DLGAP1: variants seen among roughly 807,000 people sequenced by gnomAD.
The protein encoded by DLGAP1 is DLG associated protein 1, also known as disks large-associated protein 1.
Under a neutral mutation model 90.8 loss-of-function variants are expected in DLGAP1, and 11 were observed. That is an observed-to-expected ratio of 0.12 (90% CI 0.08 to 0.20). The LOEUF (loss-of-function observed/expected upper bound fraction) is 0.20, where lower values mean the gene tolerates loss of function less well. Among genes scored for constraint, DLGAP1 ranks in the 10% least tolerant of loss-of-function variants. The pLI is 1.00. For synonymous variants in DLGAP1, 558 were observed against 540.7 expected (o/e 1.03, Z -0.44); for missense variants, 1,050 against 1,333.8 (o/e 0.79, Z 3.31).
intron 1 of DLGAP1, among the ~76,000 whole-genome samples, chr18:4,390,143 T>C (rs1331569843): frequency 6.9e-6 from 1 of 145,780 alleles, no homozygotes; most frequent in Non-Finnish European, 1.5e-5. Flanking sequence ...CCCCATACCA[T>C]GTTGGCCCAT....
intron 3 of DLGAP1, among the ~76,000 whole-genome samples, chr18:3,895,608 G>C (rs2071602989): frequency 6.6e-6 from 1 of 152,322 alleles, no homozygotes; most frequent in African/African-American, 2.4e-5. Context: ...TATTTTCATG[G>C]GAAAAGTGTG....
chr18:4,255,508 A>AT (rs1555772770), intron 1 of DLGAP1, among the ~76,000 whole-genome samples: 65 of 128,362 alleles, frequency 5.1e-4, no homozygotes, highest in African/African-American at 2.9e-3. Flanking sequence ...GATGAAAAAA[A>AT]AAATATATAT....
intron 2 of DLGAP1, among the ~76,000 whole-genome samples, chr18:4,037,351 C>T (rs2074905551): frequency 2.0e-5 from 3 of 152,094 alleles, no homozygotes; most frequent in African/African-American, 4.8e-5. Context: ...AGGTGATAGC[C>T]ATTTTTTCAA....
chr18:4,198,038 A>G (rs1231160390), intron 1 of DLGAP1, among the ~76,000 whole-genome samples: 2 of 151,866 alleles, frequency 1.3e-5, no homozygotes, highest in African/African-American at 4.8e-5. Flanking sequence ...TGGCTAACCC[A>G]GTGAAACCCC....
At chr18:4,243,166 CATT>C (rs1182099226) in intron 1 of DLGAP1, among the ~76,000 whole-genome samples, 1 of 118,682 alleles carries the variant, frequency 8.4e-6, no homozygotes, top group African/African-American at 2.6e-5. Flanking sequence ...TCTTGGAACA[CATT>C]ATTTAAAATC....
At chr18:4,435,285 T>C (rs1298360627) in intron 1 of DLGAP1, among the ~76,000 whole-genome samples, 1 of 152,130 alleles carries the variant, frequency 6.6e-6, no homozygotes, top group Admixed American at 6.5e-5. Context: ...TTTGATGTTT[T>C]GATACAAGGA....
At chr18:4,042,784 A>G (rs1187954233) in intron 2 of DLGAP1, among the ~76,000 whole-genome samples, 1 of 152,216 alleles carries the variant, frequency 6.6e-6, no homozygotes, top group Non-Finnish European at 1.5e-5. Context: ...AAATAAAATT[A>G]TGGTTCATAG....
At chr18:4,379,566 C>T (rs2144297518) in intron 1 of DLGAP1, among the ~76,000 whole-genome samples, 1 of 152,208 alleles carries the variant, frequency 6.6e-6, no homozygotes, top group East Asian at 1.9e-4. Context: ...TTCCTGAATA[C>T]ATCACACAAA....
intron 2 of DLGAP1, among the ~76,000 whole-genome samples, chr18:4,075,573 G>A (rs1185667349): frequency 1.3e-5 from 2 of 152,152 alleles, no homozygotes; most frequent in African/African-American, 4.8e-5. Flanking sequence ...CAGGTGCACT[G>A]TGCCTAAAAT....
chr18:4,056,714 A>C (rs1320527163), intron 2 of DLGAP1, among the ~76,000 whole-genome samples: 2 of 152,126 alleles, frequency 1.3e-5, no homozygotes, highest in Non-Finnish European at 2.9e-5. Flanking sequence ...AGACCCTAGG[A>C]GCCACCTAGG....
chr18:3,867,446 C>T (rs550657927), intron 4 of DLGAP1, among the ~76,000 whole-genome samples: 37 of 152,090 alleles, frequency 2.4e-4, no homozygotes, highest in Non-Finnish European at 5.1e-4. Flanking sequence ...CTGAGCTCAG[C>T]TCTCTTGCTA....
chr18:4,374,192 T>A (rs1028781980), intron 1 of DLGAP1, among the ~76,000 whole-genome samples: 1 of 152,142 alleles, frequency 6.6e-6, no homozygotes, highest in Admixed American at 6.5e-5. Context: ...GGCTGGCCAC[T>A]GACCACATAT....
chr18:3,663,828 T>C (rs1352409485), intron 7 of DLGAP1, among the ~76,000 whole-genome samples: 2 of 152,220 alleles, frequency 1.3e-5, no homozygotes, highest in Non-Finnish European at 2.9e-5. Context: ...CCCAGAGATT[T>C]GAACAAACAT....
intron 3 of DLGAP1, among the ~76,000 whole-genome samples, chr18:3,917,302 G>C (rs185106996): frequency 3.9e-5 from 6 of 152,274 alleles, no homozygotes; most frequent in Admixed American, 3.9e-4. Context: ...TGTTATAGAA[G>C]GCAGGGATTT....
chr18:3,749,106 C>T (rs1026762442), intron 5 of DLGAP1, among the ~76,000 whole-genome samples: 1 of 150,974 alleles, frequency 6.6e-6, no homozygotes, highest in Non-Finnish European at 1.5e-5. Context: ...TCTCCTTCTC[C>T]TTCTCCTCCT....
At chr18:3,868,008 C>T (rs969333655) in intron 4 of DLGAP1, among the ~76,000 whole-genome samples, 1 of 152,194 alleles carries the variant, frequency 6.6e-6, no homozygotes, top group Non-Finnish European at 1.5e-5. Flanking sequence ...CCTCACCACA[C>T]ACCCCTCACA....
At chr18:3,880,944 G>GAAAA (rs1173817359) in intron 3 of DLGAP1, among the ~76,000 whole-genome samples, 10 of 38,330 alleles carry the variant, frequency 2.6e-4, no homozygotes, top group African/African-American at 7.2e-4. Flanking sequence ...CTCCATCTCA[G>GAAAA]AAAAAAAAAA....
chr18:3,741,179 C>T (rs1031272413), intron 6 of DLGAP1, among the ~76,000 whole-genome samples: 26 of 78,006 alleles, frequency 3.3e-4, no homozygotes, highest in Middle Eastern at 0.012. Flanking sequence ...CACATCACCA[C>T]CACCACCACC....
At position 3,970,260 on chromosome 18, in the gene DLGAP1, T is replaced by C. The variant is rs566952961; in HGVS notation, c.-73+34856A>G. ...ATCAGAGTTTTAGTTTTAAATCTCA[T>C]AGAGAATAAATGAGATGAATTCTTT... On this transcript the variant is annotated intron_variant, in intron 3 of 12. Transcript: ENST00000315677. Among the ~76,000 whole-genome samples, 65 of 152,320 alleles carry C rather than the reference T, an allele frequency of 4.3e-4. No homozygotes were observed. The South Asian group carries it at 0.013, about 30-fold the overall frequency.
Sources: gnomAD v4.1 joint callset for allele counts (sites outside exome capture counted in the v4.1 genomes callset) on GRCh38, gnomAD v4.1.1 for gene constraint, MANE v1.5 for transcripts, NCBI Gene and HGNC (gene_info 2026-07-23, HGNC 2026-07-21) for gene names.